The following MGMT variants were observed in gnomAD, a reference collection of about 807,000 sequenced individuals.
MGMT encodes the protein O-6-methylguanine-DNA methyltransferase.
MGMT carries 14 observed loss-of-function variants against 15.9 expected under a neutral mutation model. That is an observed-to-expected ratio of 0.88 (90% CI 0.58 to 1.37). The LOEUF (loss-of-function observed/expected upper bound fraction) is 1.37, where lower values mean the gene tolerates loss of function less well. Among genes scored for constraint, MGMT ranks in the 40% most tolerant of loss-of-function variants. The pLI, the probability that MGMT is intolerant of heterozygous loss-of-function variation, is 0.00. For synonymous variants in MGMT, 130 were observed against 118.2 expected, an observed-to-expected ratio of 1.10 and a Z score of -0.65; for missense variants, 282 against 268.1, an observed-to-expected ratio of 1.05 and a Z score of -0.36.
intron 1 of MGMT, 115 bp downstream of exon 1, chr10:129,467,411 C>G (rs1231615551): frequency 2.9e-6 from 4 of 1,374,968 alleles, no homozygotes; most frequent in Admixed American, 3.6e-5. Context: ...TGGGGCCGCC[C>G]TGACCCCCAC....
At chr10:129,570,398 C>T (rs971016307) in intron 2 of MGMT, among the ~76,000 whole-genome samples, 6 of 152,376 alleles carry the variant, frequency 3.9e-5, no homozygotes, top group African/African-American at 7.2e-5. Context: ...GCTGCAGATC[C>T]GGGGCCAGCC....
intron 1 of MGMT, among the ~76,000 whole-genome samples, chr10:129,469,196 A>G (rs890264081): frequency 6.6e-6 from 1 of 152,106 alleles, no homozygotes; most frequent in African/African-American, 2.4e-5. Flanking sequence ...GCCCCCTCAG[A>G]GTTTGTTCCT....
chr10:129,637,536 G>A (rs1366920154), intron 2 of MGMT, among the ~76,000 whole-genome samples: 4 of 152,174 alleles, frequency 2.6e-5, no homozygotes, highest in African/African-American at 9.7e-5. Flanking sequence ...CTGCCTAGGG[G>A]GCAGGATCGA....
At chr10:129,508,949 G>C (rs1845653299) in intron 1 of MGMT, among the ~76,000 whole-genome samples, 1 of 152,206 alleles carries the variant, frequency 6.6e-6, no homozygotes, top group African/African-American at 2.4e-5. Context: ...AACAAGGTTT[G>C]TGGATATTGC....
At chr10:129,609,821 C>T (rs1428116724) in intron 2 of MGMT, among the ~76,000 whole-genome samples, 1 of 151,966 alleles carries the variant, frequency 6.6e-6, no homozygotes, top group Non-Finnish European at 1.5e-5. Context: ...GGAGATTTCA[C>T]CTGGGGGGAC....
intron 2 of MGMT, among the ~76,000 whole-genome samples, chr10:129,613,728 A>G (rs919017731): frequency 6.6e-6 from 1 of 152,192 alleles, no homozygotes; most frequent in African/African-American, 2.4e-5. Flanking sequence ...CTGGTGGCGC[A>G]GGCTGATGGG....
rs569875174 is a variant in MGMT, at chr10:129,769,712, T to C, written c.*2715T>C. On this transcript the variant is annotated 3_prime_UTR_variant, in exon 5 of 5. Coordinates refer to ENST00000651593, the MANE Select transcript of MGMT (RefSeq NM_002412.5). ...GGGGTTGTCCTTCTCCCAGTCTCTC[T>C]TCCCGCTGGGAACAGAAGTGTCCAG... is the stretch of plus-strand genomic sequence containing the variant. Among the ~76,000 whole-genome samples, 1 of 152,344 alleles carries C rather than the reference T, an allele frequency of 6.6e-6. No individual in the cohort carries two copies. Among genetic ancestry groups the C allele is most frequent in the African/African-American group, 2.4e-5 (1 of 41,586 alleles).
intron 2 of MGMT, among the ~76,000 whole-genome samples, chr10:129,623,709 A>G (rs1847115309): frequency 6.6e-6 from 1 of 152,026 alleles, no homozygotes; most frequent in African/African-American, 2.4e-5. Flanking sequence ...TTTTGAAAGG[A>G]CAAGTCTTGC....
At chr10:129,523,299 C>T (rs903186749) in intron 1 of MGMT, among the ~76,000 whole-genome samples, 4 of 152,274 alleles carry the variant, frequency 2.6e-5, no homozygotes, top group African/African-American at 4.8e-5. Flanking sequence ...GCTTCTTTCC[C>T]TTCTGCAAGG....
At chr10:129,696,720 C>T (rs1848036735) in intron 2 of MGMT, among the ~76,000 whole-genome samples, 1 of 152,204 alleles carries the variant, frequency 6.6e-6, no homozygotes, top group Non-Finnish European at 1.5e-5. Flanking sequence ...TGGGTCGGAG[C>T]CGAGGGCTGG....
At chr10:129,635,254 C>T (rs758323991) in intron 2 of MGMT, among the ~76,000 whole-genome samples, 1 of 152,166 alleles carries the variant, frequency 6.6e-6, no homozygotes, top group Non-Finnish European at 1.5e-5. Flanking sequence ...GTGAGGGTGA[C>T]CTGTTGCAGA....
chr10:129,481,251 T>C (rs1164820583), intron 1 of MGMT, among the ~76,000 whole-genome samples: 1 of 152,250 alleles, frequency 6.6e-6, no homozygotes, highest in Non-Finnish European at 1.5e-5. Context: ...GCAGTGAATA[T>C]GGTGGATAAC....
intron 2 of MGMT, among the ~76,000 whole-genome samples, chr10:129,674,307 C>T (rs144713633): frequency 1.4e-4 from 21 of 152,184 alleles, no homozygotes; most frequent in African/African-American, 4.8e-4. Flanking sequence ...TCCTCACTGA[C>T]GGTAGTTTGG....
At position 129,595,896 on chromosome 10, in the gene MGMT, C is replaced by T. The variant is rs377560774; in HGVS notation, c.125+59519C>T. ...GAATGTACTTCTAATTGTTGAAAAG[C>T]ACCTAACAAGTTTTCTATGGGGGAG... is the stretch of plus-strand genomic sequence containing the variant. On this transcript the variant is annotated intron_variant, in intron 2 of 4. Transcript: ENST00000651593. 6.6e-5 allele frequency among the ~76,000 whole-genome samples: 10 copies of T among 152,236 alleles called. No individual in the cohort carries two copies. In the East Asian group the frequency reaches 1.9e-3, roughly 29 times the overall value.
chr10:129,532,138 G>A lies in MGMT; in HGVS notation c.-12-4103G>A, dbSNP rs1454751831. Among the ~76,000 whole-genome samples the A allele has an allele frequency of 6.6e-6, 1 of 152,242 alleles. No homozygotes were observed. Among genetic ancestry groups the A allele is most frequent in the Non-Finnish European group, 1.5e-5 (1 of 68,042 alleles). On this transcript the variant is annotated intron_variant, in intron 1 of 4. Transcript: ENST00000651593. The surrounding 1 kb of genome is among the most constrained non-coding windows in gnomAD (Gnocchi z 5.3). ...CAGGCCACCTTTGCTGGTCAGGGGAGCTGGTTCAGAGGGCTTGAGGCCAGC... is the reference window on the plus strand; with the variant it reads ...CAGGCCACCTTTGCTGGTCAGGGGAACTGGTTCAGAGGGCTTGAGGCCAGC...
At chr10:129,652,250 C>T (rs118095602) in intron 2 of MGMT, among the ~76,000 whole-genome samples, 4,181 of 152,370 alleles carry the variant, frequency 0.027, 74 homozygotes, top group South Asian at 0.06. Flanking sequence ...CCCAGCCAGG[C>T]TTCAGAACTG....
chr10:129,677,027 C>T (rs1847793911), intron 2 of MGMT, among the ~76,000 whole-genome samples: 1 of 152,168 alleles, frequency 6.6e-6, no homozygotes, highest in African/African-American at 2.4e-5. Flanking sequence ...CCACCATCAG[C>T]GTGCTAGTAG....
chr10:129,599,153 A>G (rs1259588254), intron 2 of MGMT, among the ~76,000 whole-genome samples: 1 of 152,238 alleles, frequency 6.6e-6, no homozygotes, highest in Non-Finnish European at 1.5e-5. Context: ...CGAGGCACAG[A>G]AACAGCCAGA....
intron 2 of MGMT, among the ~76,000 whole-genome samples, chr10:129,540,149 A>G (rs985079728): frequency 2.6e-5 from 4 of 152,262 alleles, no homozygotes; most frequent in African/African-American, 7.2e-5. Flanking sequence ...TTTGTTCTTG[A>G]TGGTATTCTA....
Sources: gnomAD v4.1 joint callset for allele counts (sites outside exome capture counted in the v4.1 genomes callset) on GRCh38, gnomAD v4.1.1 for gene constraint, Gnocchi (gnomAD v3.1) non-coding constraint, MANE v1.5 for transcripts, NCBI Gene and HGNC (gene_info 2026-07-23, HGNC 2026-07-21) for gene names.